Variants in MDGA2 observed in about 807,000 individuals in gnomAD.
The protein encoded by MDGA2 is MAM domain containing glycosylphosphatidylinositol anchor 2.
MDGA2 carries 40 observed loss-of-function variants against 117.8 expected under a neutral mutation model. The observed-to-expected ratio is 0.34, with a 90% CI of 0.26 to 0.44. The LOEUF is 0.44. Among genes scored for constraint, MDGA2 ranks in the 20% least tolerant of loss-of-function variants. MDGA2 has a pLI of 1.00. For synonymous variants in MDGA2, 452 were observed against 439.0 expected (o/e 1.03, Z -0.37); for missense variants, 1,123 against 1,250.6 (o/e 0.90, Z 1.54).
intron 2 of MDGA2, among the ~76,000 whole-genome samples, chr14:47,262,986 A>G (rs1031982659): frequency 6.6e-6 from 1 of 152,108 alleles, no homozygotes; most frequent in African/African-American, 2.4e-5. Context: ...GAGTTTTTTC[A>G]GCATGAGTCA....
At chr14:47,446,245 T>C (rs553575311) in intron 1 of MDGA2, among the ~76,000 whole-genome samples, 1 of 152,298 alleles carries the variant, frequency 6.6e-6, no homozygotes, top group South Asian at 2.1e-4. Context: ...TTTGTCTTCT[T>C]ACCTACTCAC....
chr14:47,611,825 G>T (rs1042410877), intron 1 of MDGA2, among the ~76,000 whole-genome samples: 1 of 152,170 alleles, frequency 6.6e-6, no homozygotes, highest in Admixed American at 6.6e-5. Flanking sequence ...GGGATGTAGT[G>T]CATATTGATC....
intron 7 of MDGA2, among the ~76,000 whole-genome samples, chr14:47,051,766 G>C (rs1889465876): frequency 6.6e-6 from 1 of 151,888 alleles, no homozygotes; most frequent in African/African-American, 2.4e-5. Context: ...AAATGGTGAT[G>C]AAACTGTTAG....
Position 47,035,275 on chromosome 14 carries a change from T to C in MDGA2, c.1555A>G (p.Lys519Glu). The C allele has an allele frequency of 1.2e-6, 2 of 1,613,950 alleles. No individual in the cohort carries two copies. The highest frequency in any genetic ancestry group is 1.1e-5 in the South Asian group (1 of 91,062). ...CCTTCTCTGGTGACCAATGGTGATT[T>C]TTCCTGTGGAACAGTCAGATTGGGT... ...VPPNLTVPQE[K>E]SPLVTREGDT... The change falls in exon 8 of 17, where the codon AAA becomes GAA. Residue 519 changes from lysine (K) to glutamate (E), a missense_variant. Around this residue, in one of 2 missense-constraint regions of MDGA2, gnomAD observed 890 missense variants for 1,050.3 expected, o/e 0.85. Transcript: ENST00000399232.
At chr14:46,949,192 A>G (rs1302959949) in intron 9 of MDGA2, among the ~76,000 whole-genome samples, 1 of 152,072 alleles carries the variant, frequency 6.6e-6, no homozygotes, top group Non-Finnish European at 1.5e-5. Context: ...CTAATCTGTT[A>G]GAAGATGTTA....
chr14:47,300,888 C>T (rs1484262168), intron 2 of MDGA2, among the ~76,000 whole-genome samples: 8 of 152,170 alleles, frequency 5.3e-5, no homozygotes, highest in African/African-American at 4.8e-5. Flanking sequence ...CTGTGGATGA[C>T]GATTCTGAAG....
At chr14:46,995,718 C>T (rs12433110) in intron 8 of MDGA2, among the ~76,000 whole-genome samples, 131,054 of 151,820 alleles carry the variant, frequency 0.86, 57,638 homozygotes, top group East Asian at 0.97. Flanking sequence ...AGTTCACACA[C>T]TTAAAATAAG....
chr14:47,564,133 G>C (rs1310061822), intron 1 of MDGA2, among the ~76,000 whole-genome samples: 2 of 152,160 alleles, frequency 1.3e-5, no homozygotes, highest in East Asian at 3.9e-4. Context: ...CTGTTAGCCT[G>C]ATGGGGTTCC....
At chr14:47,097,874 G>T (rs1439998759) in intron 5 of MDGA2, among the ~76,000 whole-genome samples, 1 of 151,802 alleles carries the variant, frequency 6.6e-6, no homozygotes, top group Non-Finnish European at 1.5e-5. Context: ...AATCTTTTAG[G>T]TTAAAAAATA....
rs192394505 is a variant in MDGA2 at position 46,983,940 on chromosome 14, A to G, written c.1820-26297T>C. The stretch of plus-strand genomic sequence containing the variant: ...TTATAATTAACATGAATAGAATATT[A>G]CAAGTATATTTATATATTAATTATA... On this transcript the variant is annotated intron_variant, in intron 8 of 16. Transcript: ENST00000399232. 1.8e-3 allele frequency among the ~76,000 whole-genome samples: 277 copies of G among 152,100 alleles called. 1 individual carries two copies. Among genetic ancestry groups the G allele is most frequent in the Admixed American group, 5.1e-3 (78 of 15,254 alleles).
chr14:47,490,969 G>T (rs557315313), intron 1 of MDGA2, among the ~76,000 whole-genome samples: 1 of 152,142 alleles, frequency 6.6e-6, no homozygotes, highest in East Asian at 1.9e-4. Context: ...GATTGCTGTC[G>T]AAAGTCCTCT....
At chr14:47,330,527 T>C (rs1890264473) in intron 1 of MDGA2, among the ~76,000 whole-genome samples, 1 of 151,888 alleles carries the variant, frequency 6.6e-6, no homozygotes, top group Non-Finnish European at 1.5e-5. Flanking sequence ...ACTCTGATAG[T>C]AAAGTGAAAC....
At chr14:47,005,894 T>C in intron 8 of MDGA2, among the ~76,000 whole-genome samples, 1 of 151,642 alleles carries the variant, frequency 6.6e-6, no homozygotes. Flanking sequence ...TGCAAATCTA[T>C]TGTTAAAATT....
rs75057466 is a variant in MDGA2 at position 47,322,116 on chromosome 14, A to T, written c.281-20566T>A. On this transcript the variant is annotated intron_variant, in intron 1 of 16. Coordinates refer to ENST00000399232, the MANE Select transcript of MDGA2 (RefSeq NM_001113498.3). Reference sequence around the variant, plus strand: ...CGATTCCCAGATATTCCATAGAAAAAGTACTTCCTGTTAACAGTGTTATAT... The same window carrying T: ...CGATTCCCAGATATTCCATAGAAAATGTACTTCCTGTTAACAGTGTTATAT... 9.7e-3 allele frequency among the ~76,000 whole-genome samples: 1,470 copies of T among 152,278 alleles called. 24 individuals are homozygous for T. Among genetic ancestry groups the T allele is most frequent in the African/African-American group, 0.034 (1,408 of 41,568 alleles).
chr14:46,991,407 TTA>T (rs1381201520), intron 8 of MDGA2, among the ~76,000 whole-genome samples: 4 of 152,136 alleles, frequency 2.6e-5, no homozygotes, highest in African/African-American at 9.6e-5. Context: ...AGAACACTTA[TTA>T]AAGAGCAATA....
chr14:47,089,122 C>A (rs977444416), intron 6 of MDGA2, among the ~76,000 whole-genome samples: 2 of 151,766 alleles, frequency 1.3e-5, no homozygotes, highest in Non-Finnish European at 2.9e-5. Context: ...AGAAGGGATT[C>A]CGAATCTGGA....
chr14:47,652,677 C>T (rs377510002), intron 1 of MDGA2, among the ~76,000 whole-genome samples: 49 of 152,140 alleles, frequency 3.2e-4, no homozygotes, highest in African/African-American at 8.9e-4. Flanking sequence ...GCAAACCAGG[C>T]AAGTGGATAT....
At chr14:47,357,492 G>A (rs1255946614) in intron 1 of MDGA2, among the ~76,000 whole-genome samples, 2 of 152,224 alleles carry the variant, frequency 1.3e-5, no homozygotes, top group East Asian at 3.8e-4. Context: ...GCAGTCACCA[G>A]TACCTTCTGT....
intron 14 of MDGA2, among the ~76,000 whole-genome samples, chr14:46,862,492 T>C (rs2138325867): frequency 6.7e-6 from 1 of 150,160 alleles, no homozygotes; most frequent in Admixed American, 6.7e-5. Flanking sequence ...GTTCTTAACA[T>C]AATTTTACTT....
Sources: gnomAD v4.1 joint callset for allele counts (sites outside exome capture counted in the v4.1 genomes callset) on GRCh38, gnomAD v4.1.1 for gene constraint, gnomAD v4.1.1 regional missense constraint, MANE v1.5 for transcripts, NCBI Gene and HGNC (gene_info 2026-07-23, HGNC 2026-07-21) for gene names.